Variants in GIT2 observed in about 807,000 individuals in gnomAD.
GIT2 encodes ARF GTPase-activating protein GIT2.
GIT2 carries 32 observed loss-of-function variants against 100.3 expected under a neutral mutation model. The ratio of observed to expected loss-of-function variants is 0.32; its 90% CI spans 0.24 to 0.43. The LOEUF (loss-of-function observed/expected upper bound fraction) is 0.43. GIT2 is among the 20% of genes least tolerant of loss of function. The probability of loss-of-function intolerance (pLI) is 1.00; values close to 1 mark genes in which losing one functional copy is unlikely to be tolerated. For missense variants in GIT2, 737 were observed against 975.1 expected (o/e 0.76, Z 3.25); for synonymous variants, 353 against 364.1 (o/e 0.97, Z 0.35).
intron 12 of GIT2, 165 bp from the exon 13 acceptor site, chr12:109,953,399 G>T: frequency 1.6e-6 from 1 of 639,774 alleles, no homozygotes; most frequent in East Asian, 2.7e-5. Context: ...GAGGAGAACT[G>T]CTTGAGGCCA....
chr12:109,948,484 A>G lies in GIT2; in HGVS notation c.1393-980T>C, dbSNP rs1353156631. The G allele has an allele frequency of 1.7e-6, 2 of 1,161,414 alleles. No homozygotes were observed. The allele number at this position is 1,161,414 out of a possible 1,614,324, so 71.9% of individuals were successfully genotyped here. On this transcript the variant is annotated intron_variant, in intron 14 of 19. Coordinates refer to ENST00000355312, the MANE Select transcript of GIT2 (RefSeq NM_057169.5). This position sits in a 1 kb window ranked among gnomAD's most constrained non-coding sequence, Gnocchi z 4.3. Reference sequence around the variant, plus strand: ...CTGGATGGATTAGAGTTAAGGGGTCAGCAGGGAATCGTGTTACTCTTTGGC... The same window carrying G: ...CTGGATGGATTAGAGTTAAGGGGTCGGCAGGGAATCGTGTTACTCTTTGGC...
intron 9 of GIT2, 68 bp from the exon 10 acceptor site, chr12:109,961,753 G>A (rs1881143602): frequency 5.5e-6 from 5 of 909,946 alleles, no homozygotes; most frequent in Admixed American, 3.4e-5. Context: ...AGGGAACTGC[G>A]ACTTAGTCAC....
chr12:109,980,778 A>G (rs1413793557), intron 7 of GIT2, 174 bp downstream of exon 7: 1 of 609,174 alleles, frequency 1.6e-6, no homozygotes, highest in Non-Finnish European at 2.9e-6. Context: ...CCAACTTTAT[A>G]TCTTTTACAT....
chr12:109,981,131 C>G (rs1023500120), intron 6 of GIT2, 85 bp from the exon 7 acceptor site: 27 of 870,158 alleles, frequency 3.1e-5, no homozygotes, highest in South Asian at 2.1e-4. Flanking sequence ...CCTGAGACAC[C>G]TGAGCAGTTT....
chr12:109,978,163 AC>A (rs558738882), intron 7 of GIT2, among the ~76,000 whole-genome samples: 286 of 147,224 alleles, frequency 1.9e-3, no homozygotes, highest in Middle Eastern at 7.2e-3. Flanking sequence ...ACTCACTGCA[AC>A]CTCTACCTCC....
chr12:109,954,910 AT>A (rs775526246), intron 12 of GIT2, among the ~76,000 whole-genome samples: 5,659 of 149,694 alleles, frequency 0.038, 132 homozygotes, highest in Middle Eastern at 0.059. Context: ...AAAAAAAAAA[AT>A]AATAATAATA....
chr12:109,935,134 G>C (rs1872634022), intron 18 of GIT2, among the ~76,000 whole-genome samples: 1 of 151,460 alleles, frequency 6.6e-6, no homozygotes, highest in Non-Finnish European at 1.5e-5. Context: ...TCAAGAAAAT[G>C]GTTTATAGTA....
Position 109,933,930 on chromosome 12 carries a change from T to C in GIT2, c.2067+92A>G. On this transcript the variant is annotated intron_variant, in intron 19 of 19. Transcript: ENST00000355312. The surrounding 1 kb of genome is among the most constrained non-coding windows in gnomAD (Gnocchi z 4.5). ...CTGCATATTTTAAAACTGCATGTGC[T>C]ACAAAAAAGCTAATGTAATATATAG... The C allele has an allele frequency of 1.3e-6, 1 of 794,974 alleles. No homozygotes were observed. The highest frequency in any genetic ancestry group is 2.3e-6 in the Non-Finnish European group (1 of 436,966). The allele number at this position is 794,974 out of a possible 1,614,324, so 49.2% of individuals were successfully genotyped here.
intron 1 of GIT2, 80 bp downstream of exon 1, chr12:109,996,093 C>G (rs1889364328): frequency 1.1e-6 from 1 of 917,940 alleles, no homozygotes; most frequent in African/African-American, 1.7e-5. Context: ...CGGGATGCAG[C>G]CTGACCTGAG....
Position 109,948,376 on chromosome 12 carries a change from C to T in GIT2, c.1393-872G>A, listed in dbSNP as rs1592985933. Reference sequence around the variant, plus strand: ...GTCAGCTTTGAACATGCTAATCTGCCTGGCACCACCCCATTTTAGAGACTG... The same window carrying T: ...GTCAGCTTTGAACATGCTAATCTGCTTGGCACCACCCCATTTTAGAGACTG... On this transcript the variant is annotated intron_variant, in intron 14 of 19. Transcript: ENST00000355312. The surrounding 1 kb of genome is among the most constrained non-coding windows in gnomAD (Gnocchi z 4.3). 1.0e-6 allele frequency: 1 copy of T among 994,326 alleles called. No individual in the cohort carries two copies. The highest frequency in any genetic ancestry group is 1.1e-4 in the East Asian group (1 of 9,146). The allele number at this position is 994,326 out of a possible 1,614,324, so 61.6% of individuals were successfully genotyped here.
intron 1 of GIT2, among the ~76,000 whole-genome samples, chr12:109,993,267 T>A (rs751392102): frequency 3.3e-4 from 50 of 152,022 alleles, no homozygotes; most frequent in Non-Finnish European, 2.2e-4. Flanking sequence ...CACAATGGGG[T>A]GACAATAGGT....
At chr12:109,943,733 C>T (rs966620064) in intron 16 of GIT2, among the ~76,000 whole-genome samples, 5 of 149,456 alleles carry the variant, frequency 3.3e-5, no homozygotes, top group South Asian at 2.1e-4. Context: ...GTTGTCCAGG[C>T]TGGAGTGCAA....
rs1876912876 is a variant in GIT2, at chr12:109,948,392, T to G, written c.1393-888A>C. 1.0e-6 allele frequency: 1 copy of G among 996,730 alleles called. No homozygotes were observed. Among genetic ancestry groups the G allele is most frequent in the Admixed American group, 5.8e-5 (1 of 17,212 alleles). 61.7% of individuals were successfully genotyped at this position (996,730 alleles called of 1,614,324 possible). On this transcript the variant is annotated intron_variant, in intron 14 of 19. Coordinates refer to ENST00000355312, the MANE Select transcript of GIT2 (RefSeq NM_057169.5). The surrounding 1 kb of genome is among the most constrained non-coding windows in gnomAD (Gnocchi z 4.3). ...CTAATCTGCCTGGCACCACCCCATTTTAGAGACTGTCACTTGGAGGCCCTG... is the reference window on the plus strand; with the variant it reads ...CTAATCTGCCTGGCACCACCCCATTGTAGAGACTGTCACTTGGAGGCCCTG...
rs775595755 is a variant in GIT2 at position 109,933,977 on chromosome 12, G to A, written c.2067+45C>T. ...ATAGGTCATAAAGAAATTTCTTGCT[G>A]TTCATTTAAAAGGATTTAAACCAAG... On this transcript the variant is annotated intron_variant, in intron 19 of 19. Coordinates refer to ENST00000355312, the MANE Select transcript of GIT2 (RefSeq NM_057169.5). This position sits in a 1 kb window ranked among gnomAD's most constrained non-coding sequence, Gnocchi z 4.5. The A allele has an allele frequency of 2.0e-6, 2 of 1,017,788 alleles. No individual in the cohort carries two copies. Among genetic ancestry groups the A allele is most frequent in the East Asian group, 4.7e-5 (2 of 42,206 alleles). 63.0% of individuals were successfully genotyped at this position (1,017,788 alleles called of 1,614,324 possible).
In GIT2 at chr12:109,959,906, A is replaced by G. The variant is rs1315994733; in HGVS notation, c.1040T>C (p.Ile347Thr). 39 of 1,613,846 alleles carry G rather than the reference A, an allele frequency of 2.4e-5. No homozygotes were observed. Among genetic ancestry groups the G allele is most frequent in the Non-Finnish European group, 3.3e-5 (39 of 1,179,834 alleles). Residue 347 changes from isoleucine (I) to threonine (T), a missense_variant, in exon 12 of 20, where the codon ATT becomes ACT. Transcript: ENST00000355312. ...CCTCTTGGCGTCACTGAGAATGTCAATGACCAGCGTGGCAAACTCATGGGC... is the reference window on the plus strand; with the variant it reads ...CCTCTTGGCGTCACTGAGAATGTCAGTGACCAGCGTGGCAAACTCATGGGC... ...FNAHEFATLV[I>T]DILSDAKRRQ...
At chr12:109,955,488 G>A (rs1300422472) in intron 12 of GIT2, among the ~76,000 whole-genome samples, 1 of 152,004 alleles carries the variant, frequency 6.6e-6, no homozygotes, top group African/African-American at 2.4e-5. Flanking sequence ...GTGCTTCTGG[G>A]GTTATCAACC....
intron 16 of GIT2, among the ~76,000 whole-genome samples, chr12:109,940,917 GAA>G (rs369131328): frequency 5.7e-4 from 64 of 112,964 alleles, no homozygotes; most frequent in East Asian, 1.7e-3. Context: ...AAACCAAAAA[GAA>G]AAAAAAAAAA....
intron 7 of GIT2, among the ~76,000 whole-genome samples, chr12:109,976,962 T>C (rs1001538229): frequency 9.2e-5 from 14 of 152,208 alleles, no homozygotes; most frequent in African/African-American, 3.1e-4. Flanking sequence ...GGTCTTACTC[T>C]GCCACATCTT....
intron 6 of GIT2, 49 bp from the exon 7 acceptor site, chr12:109,981,095 C>T (rs760120191): frequency 8.2e-7 from 1 of 1,226,388 alleles, no homozygotes; most frequent in South Asian, 1.2e-5. Flanking sequence ...TATTCACTGA[C>T]TTTAAAATGG....
Sources: allele counts gnomAD v4.1 joint callset (sites outside exome capture counted in the v4.1 genomes callset), GRCh38; gene constraint gnomAD v4.1.1; non-coding constraint Gnocchi (gnomAD v3.1); transcripts MANE v1.5; gene names NCBI Gene and HGNC (gene_info 2026-07-23, HGNC 2026-07-21).